The following XKR4 variants were observed in gnomAD, a reference collection of about 807,000 sequenced individuals.
XKR4 encodes XK related 4.
Under a neutral mutation model 53.9 loss-of-function variants are expected in XKR4, and 12 were observed. The ratio of observed to expected loss-of-function variants is 0.22; its 90% CI spans 0.14 to 0.36. The LOEUF (loss-of-function observed/expected upper bound fraction) is 0.36. Among genes scored for constraint, XKR4 ranks in the 10% least tolerant of loss-of-function variants. The pLI is 1.00. For missense variants in XKR4, 799 were observed against 859.5 expected (o/e 0.93, Z 0.88); for synonymous variants, 354 against 362.4 (o/e 0.98, Z 0.26).
intron 1 of XKR4, among the ~76,000 whole-genome samples, chr8:55,247,867 T>TC (rs1368785247): frequency 7.1e-3 from 187 of 26,230 alleles, no homozygotes; most frequent in Middle Eastern, 0.042. Context: ...TTTTTTTTTT[T>TC]TTTTTTTGAG....
chr8:55,336,011 T>C (rs1803453641), intron 1 of XKR4, among the ~76,000 whole-genome samples: 1 of 145,124 alleles, frequency 6.9e-6, no homozygotes. Flanking sequence ...AATCCACATA[T>C]GTTATAAAAA....
chr8:55,251,578 A>G (rs1349896749), intron 1 of XKR4, among the ~76,000 whole-genome samples: 3 of 152,226 alleles, frequency 2.0e-5, no homozygotes, highest in Non-Finnish European at 4.4e-5. Context: ...GCTATTTCCT[A>G]TGAAAGATTT....
chr8:55,129,478 C>T (rs534195195), intron 1 of XKR4, among the ~76,000 whole-genome samples: 2 of 152,200 alleles, frequency 1.3e-5, no homozygotes, highest in African/African-American at 4.8e-5. Context: ...ATAGTTTGAC[C>T]TCATTTGTGT....
rs114679437 is a variant in XKR4, at chr8:55,342,438, C to T, written c.807-15240C>T. ...AAGTCCTCATGAGATGTTGGCCTCA[C>T]TGTGCTCCTCCCCTTTTTAAGCCCT... On this transcript the variant is annotated intron_variant, in intron 1 of 2. Coordinates refer to ENST00000327381, the MANE Select transcript of XKR4 (RefSeq NM_052898.2). Among the ~76,000 whole-genome samples, 340 of 152,282 alleles carry T rather than the reference C, an allele frequency of 2.2e-3. 1 individual carries two copies. Among genetic ancestry groups the T allele is most frequent in the African/African-American group, 7.7e-3 (322 of 41,572 alleles).
At chr8:55,407,450 A>G (rs149821494) in intron 2 of XKR4, among the ~76,000 whole-genome samples, 22 of 152,350 alleles carry the variant, frequency 1.4e-4, no homozygotes, top group Middle Eastern at 3.4e-3. Flanking sequence ...AGTGTCACCT[A>G]CAGGGTCCCG....
rs1386925580 is a variant in XKR4 at position 55,454,848 on chromosome 8, TCCTC to T, written c.1007-68430_1007-68427del. 11 of 764,126 alleles carry T rather than the reference TCCTC, an allele frequency of 1.4e-5. No individual in the cohort carries two copies. The African/African-American group carries it at 1.7e-4, about 12-fold the overall frequency. 47.3% of individuals were successfully genotyped at this position (764,126 alleles called of 1,614,324 possible). On this transcript the variant is annotated intron_variant, in intron 2 of 2. Transcript: ENST00000327381. ...CGTAAGGCCTCCCTCATCCTCCTCTTCCTCCCACTCAGTGGCATCCTTAGCGCGT... is the reference window on the plus strand; with the variant it reads ...CGTAAGGCCTCCCTCATCCTCCTCTTCCACTCAGTGGCATCCTTAGCGCGT...
intron 2 of XKR4, among the ~76,000 whole-genome samples, chr8:55,391,606 C>T (rs1294492854): frequency 6.6e-6 from 1 of 151,758 alleles, no homozygotes; most frequent in Non-Finnish European, 1.5e-5. Flanking sequence ...AAGGGTAAAC[C>T]AAAATAAAGA....
chr8:55,249,737 G>T (rs1182712437), intron 1 of XKR4, among the ~76,000 whole-genome samples: 1 of 152,140 alleles, frequency 6.6e-6, no homozygotes, highest in Admixed American at 6.5e-5. Context: ...AGCCAATGAG[G>T]TAGCCATACT....
intron 2 of XKR4, chr8:55,452,089 T>C (rs968398953): frequency 2.9e-6 from 2 of 699,450 alleles, no homozygotes; most frequent in East Asian, 2.6e-5. Context: ...TGGCCGGGTG[T>C]GTAGGTAGAG....
At chr8:55,503,782 C>T (rs2129403762) in intron 2 of XKR4, among the ~76,000 whole-genome samples, 1 of 152,184 alleles carries the variant, frequency 6.6e-6, no homozygotes, top group South Asian at 2.1e-4. Flanking sequence ...TTTTTCTTGA[C>T]CTTAGAAGAA....
At chr8:55,157,417 C>T (rs530592217) in intron 1 of XKR4, among the ~76,000 whole-genome samples, 3 of 151,868 alleles carry the variant, frequency 2.0e-5, no homozygotes, top group African/African-American at 7.3e-5. Context: ...TTATTTAGAA[C>T]ATTATTTCAA....
At chr8:55,259,811 TA>T (rs1271271149) in intron 1 of XKR4, among the ~76,000 whole-genome samples, 4 of 152,204 alleles carry the variant, frequency 2.6e-5, no homozygotes, top group Non-Finnish European at 5.9e-5. Context: ...TGGGAAATTC[TA>T]ATTAAACTTA....
intron 2 of XKR4, among the ~76,000 whole-genome samples, chr8:55,460,553 G>C (rs536826167): frequency 2.0e-5 from 3 of 152,196 alleles, no homozygotes; most frequent in Non-Finnish European, 4.4e-5. Context: ...CCCAGCATGA[G>C]TGACACAGAA....
intron 1 of XKR4, among the ~76,000 whole-genome samples, chr8:55,130,345 G>A (rs1816536952): frequency 6.6e-6 from 1 of 152,226 alleles, no homozygotes; most frequent in African/African-American, 2.4e-5. Flanking sequence ...AAGCAAGTGA[G>A]GAAGTCAGCT....
At chr8:55,289,683 G>A (rs1818970211) in intron 1 of XKR4, among the ~76,000 whole-genome samples, 1 of 125,828 alleles carries the variant, frequency 7.9e-6, no homozygotes, top group African/African-American at 3.0e-5. Flanking sequence ...GAAAGAGAAA[G>A]AAAGAAAGAA....
chr8:55,360,380 C>A (rs746359023), intron 2 of XKR4, among the ~76,000 whole-genome samples: 1 of 152,156 alleles, frequency 6.6e-6, no homozygotes, highest in Non-Finnish European at 1.5e-5. Flanking sequence ...ACAAACAAAC[C>A]AGCTGATAAA....
At position 55,534,817 on chromosome 8, in the gene XKR4, AC is replaced by A. The variant is rs1260113144; in HGVS notation, c.*10592del. On this transcript the variant is annotated 3_prime_UTR_variant, in exon 3 of 3. Transcript: ENST00000327381. ...TGAGCTACGAGATAAGAATGAAGTT[AC>A]CAGAAGTTATCAGGTCATAGTTTCA... 1 of 149,598 alleles carries A rather than the reference AC, an allele frequency of 6.7e-6. No homozygotes were observed. The highest frequency in any genetic ancestry group is 2.5e-5 in the African/African-American group (1 of 40,374). 9.3% of individuals were successfully genotyped at this position (149,598 alleles called of 1,614,324 possible).
At chr8:55,114,875 A>G (rs1188745480) in intron 1 of XKR4, among the ~76,000 whole-genome samples, 1 of 152,218 alleles carries the variant, frequency 6.6e-6, no homozygotes, top group African/African-American at 2.4e-5. Context: ...GGACTCCACA[A>G]ACATCTGCTT....
intron 1 of XKR4, among the ~76,000 whole-genome samples, chr8:55,245,399 T>C (rs939139478): frequency 3.2e-4 from 49 of 152,032 alleles, no homozygotes; most frequent in African/African-American, 1.2e-3. Flanking sequence ...AAATTACATA[T>C]ATATTTAATA....
Sources: allele counts gnomAD v4.1 joint callset (sites outside exome capture counted in the v4.1 genomes callset), GRCh38; gene constraint gnomAD v4.1.1; transcripts MANE v1.5; gene names NCBI Gene and HGNC (gene_info 2026-07-23, HGNC 2026-07-21).